HCFC2: variants seen among roughly 807,000 people sequenced by gnomAD.
HCFC2 encodes the protein host cell factor 2.
In HCFC2, 18 loss-of-function variants were observed where a neutral mutation model predicts 89.2. That is an observed-to-expected ratio of 0.20 (90% CI 0.14 to 0.30). The LOEUF (loss-of-function observed/expected upper bound fraction) is 0.30, where lower values mean the gene tolerates loss of function less well. Among genes scored for constraint, HCFC2 ranks in the 10% least tolerant of loss-of-function variants. The pLI is 1.00. For synonymous variants in HCFC2, 308 were observed against 335.7 expected (o/e 0.92, Z 0.90); for missense variants, 578 against 956.1 (o/e 0.60, Z 5.21).
rs754008949 is a variant in HCFC2 at position 104,095,311 on chromosome 12, A to G, written c.1463-49A>G. On this transcript the variant is annotated intron_variant, in intron 10 of 14. Transcript: ENST00000229330. This position sits in a 1 kb window ranked among gnomAD's most constrained non-coding sequence, Gnocchi z 4.2. ...ATGACAAGAACGATAAGACACAACA[A>G]TTATCTGCAGATATCATATTAATAA... 3 of 1,388,188 alleles carry G rather than the reference A, an allele frequency of 2.2e-6. No individual in the cohort carries two copies. The highest frequency in any genetic ancestry group is 1.4e-5 in the African/African-American group (1 of 70,214). The allele number at this position is 1,388,188 out of a possible 1,614,324, so 86.0% of individuals were successfully genotyped here. A position where few individuals can be genotyped will look rare whatever the true frequency, so the allele number is the denominator to read the frequency against.
chr12:104,093,531 G>C lies in HCFC2; in HGVS notation c.1430G>C (p.Ser477Thr). 2 of 1,612,200 alleles carry C rather than the reference G, an allele frequency of 1.2e-6. No homozygotes were observed. Among genetic ancestry groups the C allele is most frequent in the South Asian group, 2.2e-5 (2 of 90,856 alleles). Residue 477 changes from serine (S) to threonine (T), a missense_variant, in exon 10 of 15, where the codon AGT becomes ACT. Physicochemically the swap from Ser to Thr is moderately conservative, Grantham distance 58. Transcript: ENST00000229330. The part of the protein sequence containing the change: ...SLASNASNHN[S>T]HVVDMLRKNE... Reference sequence around the variant, plus strand: ...GCATCAAATGCTTCTAATCATAATAGTCATGTGGTGGATATGCTAAGGAAA... The same window carrying C: ...GCATCAAATGCTTCTAATCATAATACTCATGTGGTGGATATGCTAAGGAAA...
At chr12:104,087,414 T>A (rs1320989075) in intron 8 of HCFC2, among the ~76,000 whole-genome samples, 527 of 22,510 alleles carry the variant, frequency 0.023, 2 homozygotes, top group African/African-American at 0.053. Flanking sequence ...GCAGTACGTG[T>A]GTGTGTGTGT....
chr12:104,087,409 ACGTG>A (rs1204472248), intron 8 of HCFC2, among the ~76,000 whole-genome samples: 534 of 52,222 alleles, frequency 0.01, 2 homozygotes, highest in African/African-American at 0.031. Context: ...ATACTGCAGT[ACGTG>A]TGTGTGTGTG....
intron 10 of HCFC2, 102 bp downstream of exon 10, chr12:104,093,665 A>T (rs182402729): frequency 8.4e-5 from 89 of 1,061,450 alleles, no homozygotes; most frequent in Non-Finnish European, 1.4e-6. Flanking sequence ...CCATTTTCCT[A>T]ATAGCAAAAA....
At position 104,105,319 on chromosome 12, in the gene HCFC2, C is replaced by T. The variant is rs944793596; in HGVS notation, c.*2046C>T. The stretch of plus-strand genomic sequence containing the variant: ...CTTTCTTCTCTGCATTAATTAACAA[C>T]GTGCATCTTGAAGCCCTTCTCCTGA... On this transcript the variant is annotated 3_prime_UTR_variant, in exon 15 of 15. Transcript: ENST00000229330. The T allele has an allele frequency of 1.2e-4, 18 of 152,148 alleles. No individual in the cohort carries two copies. The highest frequency in any genetic ancestry group is 3.6e-4 in the African/African-American group (15 of 41,562). 9.4% of individuals were successfully genotyped at this position (152,148 alleles called of 1,614,324 possible). A position where few individuals can be genotyped will look rare whatever the true frequency, so the allele number is the denominator to read the frequency against.
At chr12:104,082,966 G>A in intron 7 of HCFC2, 65 bp downstream of exon 7, 1 of 1,150,766 alleles carries the variant, frequency 8.7e-7, no homozygotes, top group Non-Finnish European at 1.2e-6. Context: ...TCTGCCTTTT[G>A]AGACTTACTG....
At chr12:104,089,284 G>A (rs747276094) in intron 9 of HCFC2, among the ~76,000 whole-genome samples, 2 of 152,088 alleles carry the variant, frequency 1.3e-5, no homozygotes, top group East Asian at 1.9e-4. Flanking sequence ...AGGCCAAGGC[G>A]GGCAGATCAC....
intron 5 of HCFC2, among the ~76,000 whole-genome samples, chr12:104,081,995 A>T (rs1224295693): frequency 6.6e-6 from 1 of 152,030 alleles, no homozygotes; most frequent in Middle Eastern, 3.2e-3. Context: ...ATTTCTGCCT[A>T]ATGAGCCTTT....
chr12:104,101,492 A>G (rs1262830639), intron 13 of HCFC2, among the ~76,000 whole-genome samples: 1 of 152,158 alleles, frequency 6.6e-6, no homozygotes, highest in Non-Finnish European at 1.5e-5. Flanking sequence ...CCAAAAAAAA[A>G]AAAAAAATTC....
intron 1 of HCFC2, among the ~76,000 whole-genome samples, chr12:104,065,494 G>A (rs150429777): frequency 5.3e-5 from 8 of 152,328 alleles, no homozygotes; most frequent in African/African-American, 1.7e-4. Flanking sequence ...TTGGTGTAAA[G>A]ACAGTGATGG....
At chr12:104,070,054 G>A (rs139255926) in intron 3 of HCFC2, among the ~76,000 whole-genome samples, 268 of 151,684 alleles carry the variant, frequency 1.8e-3, no homozygotes, top group Non-Finnish European at 3.5e-3. Flanking sequence ...ACAGAATCTC[G>A]CTCTGTCTCC....
chr12:104,079,626 C>T lies in HCFC2; in HGVS notation c.655C>T (p.Leu219=), dbSNP rs776404062. The change falls in exon 4 of 15, where the codon CTG becomes TTG. Residue 219 remains leucine, a synonymous_variant. Transcript: ENST00000229330. ...TTTTGGTGGAATGTGTGGTGCTCGCCTGGATGACCTATGGCAGCTTGACTT... is the reference window on the plus strand; with the variant it reads ...TTTTGGTGGAATGTGTGGTGCTCGCTTGGATGACCTATGGCAGCTTGACTT... ...YVFGGMCGAR[L]DDLWQLDLET... The T allele has an allele frequency of 3.1e-6, 5 of 1,614,032 alleles. No homozygotes were observed. The highest frequency in any genetic ancestry group is 1.7e-5 in the Admixed American group (1 of 60,018).
chr12:104,068,310 A>G lies in HCFC2; in HGVS notation c.473+203A>G, dbSNP rs543304518. On this transcript the variant is annotated intron_variant, in intron 3 of 14. Transcript: ENST00000229330. The surrounding 1 kb of genome is among the most constrained non-coding windows in gnomAD (Gnocchi z 4.1). ...AAACTGTGTCTTTTCTTCAGAAAGCATTGGAGCTAAAAACAAAAAAACTGT... is the reference window on the plus strand; with the variant it reads ...AAACTGTGTCTTTTCTTCAGAAAGCGTTGGAGCTAAAAACAAAAAAACTGT... Among the ~76,000 whole-genome samples, 11 of 152,324 alleles carry G rather than the reference A, an allele frequency of 7.2e-5. No individual in the cohort carries two copies. In the East Asian group the frequency reaches 1.9e-3, roughly 27 times the overall value.
At chr12:104,093,714 C>T (rs955680988) in intron 10 of HCFC2, 151 bp downstream of exon 10, 3 of 631,952 alleles carry the variant, frequency 4.7e-6, no homozygotes, top group Middle Eastern at 4.3e-4. Flanking sequence ...TGTTAAAATA[C>T]CAAGTAAGCA....
At chr12:104,075,399 A>T in intron 3 of HCFC2, among the ~76,000 whole-genome samples, 1 of 137,218 alleles carries the variant, frequency 7.3e-6, no homozygotes, top group Admixed American at 7.2e-5. Flanking sequence ...TTTTCTTTTT[A>T]GTTTATTTTC....
chr12:104,071,396 C>T (rs1408426404), intron 3 of HCFC2, among the ~76,000 whole-genome samples: 1 of 152,178 alleles, frequency 6.6e-6, no homozygotes, highest in Non-Finnish European at 1.5e-5. Context: ...TAGGTGCATG[C>T]GGTTACATAC....
At chr12:104,067,875 G>A (rs1405588332) in intron 2 of HCFC2, 72 bp from the exon 3 acceptor site, 4 of 1,359,042 alleles carry the variant, frequency 2.9e-6, no homozygotes, top group African/African-American at 1.5e-5. Flanking sequence ...TTGATATGAT[G>A]TTGCACTATT....
Position 104,095,714 on chromosome 12 carries a change from A to G in HCFC2, c.1666+151A>G, listed in dbSNP as rs1333538768. 1.6e-6 allele frequency: 1 copy of G among 620,546 alleles called. No homozygotes were observed. The highest frequency in any genetic ancestry group is 2.8e-6 in the Non-Finnish European group (1 of 362,078). 38.4% of individuals were successfully genotyped at this position (620,546 alleles called of 1,614,324 possible). A position where few individuals can be genotyped will look rare whatever the true frequency, so the allele number is the denominator to read the frequency against. On this transcript the variant is annotated intron_variant, in intron 11 of 14. Transcript: ENST00000229330. This position sits in a 1 kb window ranked among gnomAD's most constrained non-coding sequence, Gnocchi z 4.2. ...TTCTGTGAGCAAGAGTTTTCATTTG[A>G]CCTAAATTTAACTTTTAGAATCTTT...
At chr12:104,081,156 CT>C (rs1346894012) in intron 5 of HCFC2, among the ~76,000 whole-genome samples, 1 of 152,152 alleles carries the variant, frequency 6.6e-6, no homozygotes, top group Admixed American at 6.5e-5. Context: ...TTCATTTGTA[CT>C]GAGGCACATG....
Sources: gnomAD v4.1 joint callset for allele counts (sites outside exome capture counted in the v4.1 genomes callset) on GRCh38, gnomAD v4.1.1 for gene constraint, Gnocchi (gnomAD v3.1) non-coding constraint, MANE v1.5 for transcripts, NCBI Gene and HGNC (gene_info 2026-07-23, HGNC 2026-07-21) for gene names.